Variants in NEK11 observed in about 807,000 individuals in gnomAD.
The protein encoded by NEK11 is NIMA related kinase 11.
Under a neutral mutation model 80.7 loss-of-function variants are expected in NEK11, and 72 were observed. The observed-to-expected ratio is 0.89, with a 90% CI of 0.74 to 1.08. The LOEUF is 1.08. Among genes scored for constraint, NEK11 ranks in the 50% least tolerant of loss-of-function variants. The pLI, the probability that NEK11 is intolerant of heterozygous loss-of-function variation, is 0.00. For synonymous variants in NEK11, 251 were observed against 260.7 expected (o/e 0.96, Z 0.36); for missense variants, 764 against 763.6 (o/e 1.00, Z -0.01).
chr3:131,184,656 T>C, intron 14 of NEK11: 1 of 532,228 alleles, frequency 1.9e-6, no homozygotes, highest in Non-Finnish European at 2.9e-6. Context: ...GGATAAGTTG[T>C]GTGCATCACT....
At chr3:131,115,780 G>C (rs1160442323) in intron 5 of NEK11, among the ~76,000 whole-genome samples, 1 of 152,118 alleles carries the variant, frequency 6.6e-6, no homozygotes, top group Non-Finnish European at 1.5e-5. Context: ...AAGTAGAGGA[G>C]AGAACAGGGC....
At chr3:131,312,887 G>A (rs1025459769) in intron 17 of NEK11, among the ~76,000 whole-genome samples, 2 of 152,020 alleles carry the variant, frequency 1.3e-5, no homozygotes, top group South Asian at 2.1e-4. Flanking sequence ...AACTCGTGTC[G>A]GGGGGTTTGT....
At chr3:131,174,894 A>G in intron 14 of NEK11, 13 of 1,486,664 alleles carry the variant, frequency 8.7e-6, no homozygotes, top group Non-Finnish European at 1.2e-5. Context: ...GCAGTGAAGT[A>G]GGCCTTGGCT....
At chr3:131,190,592 C>A (rs1489255528) in intron 14 of NEK11, among the ~76,000 whole-genome samples, 2 of 152,114 alleles carry the variant, frequency 1.3e-5, no homozygotes, top group African/African-American at 4.8e-5. Context: ...CAGAAGTGGA[C>A]GCTGGCACAA....
intron 17 of NEK11, among the ~76,000 whole-genome samples, chr3:131,296,931 G>C (rs1159573866): frequency 6.6e-6 from 1 of 151,700 alleles, no homozygotes; most frequent in East Asian, 1.9e-4. Context: ...TTGTTCTTGC[G>C]ATAGTTTACT....
chr3:131,197,399 C>A (rs555087287), intron 14 of NEK11, among the ~76,000 whole-genome samples: 1 of 152,198 alleles, frequency 6.6e-6, no homozygotes, highest in Admixed American at 6.5e-5. Context: ...TCATGGACTG[C>A]GTCTGGGGCT....
chr3:131,190,143 AT>A (rs1425112055), intron 14 of NEK11, among the ~76,000 whole-genome samples: 1 of 152,256 alleles, frequency 6.6e-6, no homozygotes, highest in Non-Finnish European at 1.5e-5. Context: ...GCTAGAAATT[AT>A]TTTTTTAAAG....
chr3:131,261,454 C>T (rs2095917836), intron 16 of NEK11, among the ~76,000 whole-genome samples: 1 of 152,174 alleles, frequency 6.6e-6, no homozygotes, highest in South Asian at 2.1e-4. Flanking sequence ...CCTTTGATTG[C>T]TCTTTATCTT....
chr3:131,252,563 T>C (rs137920343), intron 16 of NEK11, among the ~76,000 whole-genome samples: 2 of 152,220 alleles, frequency 1.3e-5, no homozygotes, highest in Non-Finnish European at 2.9e-5. Flanking sequence ...TGAGTTAGCA[T>C]TTGTGTGGCT....
chr3:131,050,515 A>G (rs954129053), intron 3 of NEK11, among the ~76,000 whole-genome samples: 2 of 152,242 alleles, frequency 1.3e-5, no homozygotes, highest in Admixed American at 6.5e-5. Context: ...TTGGTTTATT[A>G]AATCATTCTT....
chr3:131,243,605 A>AC, intron 16 of NEK11, 109 bp downstream of exon 16: 1 of 889,710 alleles, frequency 1.1e-6, no homozygotes, highest in Non-Finnish European at 1.7e-6. Context: ...AGTATAACAG[A>AC]TGAAGAAACT....
chr3:131,098,514 CAT>C (rs943393788), intron 4 of NEK11, among the ~76,000 whole-genome samples: 46 of 151,220 alleles, frequency 3.0e-4, no homozygotes, highest in African/African-American at 9.9e-4. Flanking sequence ...AGCATTTTTT[CAT>C]ATGTTTCTTG....
chr3:131,338,467 T>C (rs1582371496), intron 17 of NEK11, among the ~76,000 whole-genome samples: 2 of 152,164 alleles, frequency 1.3e-5, no homozygotes, highest in African/African-American at 4.8e-5. Flanking sequence ...ACACTTACCA[T>C]ACAACCCAGA....
intron 14 of NEK11, among the ~76,000 whole-genome samples, chr3:131,227,816 T>C (rs998324447): frequency 3.3e-5 from 5 of 152,160 alleles, no homozygotes; most frequent in African/African-American, 9.6e-5. Flanking sequence ...TCACTGAAGA[T>C]TGTTATAAAC....
intron 7 of NEK11, among the ~76,000 whole-genome samples, chr3:131,138,497 G>A (rs1361943159): frequency 2.3e-4 from 35 of 152,156 alleles, no homozygotes; most frequent in Admixed American, 2.3e-3. Context: ...CACCTCTCAA[G>A]GGAAGGACAC....
At chr3:131,306,546 C>G (rs2096725390) in intron 17 of NEK11, among the ~76,000 whole-genome samples, 1 of 152,194 alleles carries the variant, frequency 6.6e-6, no homozygotes. Flanking sequence ...TATTTTTCTT[C>G]TTCCACATGG....
intron 15 of NEK11, among the ~76,000 whole-genome samples, chr3:131,238,069 C>G (rs553298345): frequency 2.6e-4 from 40 of 152,256 alleles, no homozygotes; most frequent in Non-Finnish European, 4.3e-4. Context: ...CTGGAACACA[C>G]CAAGCATGTC....
At chr3:131,107,677 A>G (rs1560435347) in intron 4 of NEK11, among the ~76,000 whole-genome samples, 1 of 132,502 alleles carries the variant, frequency 7.5e-6, no homozygotes, top group Non-Finnish European at 1.6e-5. Context: ...TCCTGCAAAT[A>G]TTGTATTTCC....
chr3:131,326,610 G>A (rs181577281), intron 17 of NEK11, among the ~76,000 whole-genome samples: 1 of 152,126 alleles, frequency 6.6e-6, no homozygotes. Context: ...ATGAGCAAAA[G>A]TAGCCTCACC....
Sources: allele counts gnomAD v4.1 joint callset (sites outside exome capture counted in the v4.1 genomes callset), GRCh38; gene constraint gnomAD v4.1.1; transcripts MANE v1.5; gene names NCBI Gene and HGNC (gene_info 2026-07-23, HGNC 2026-07-21).